DDX42: variants seen among roughly 807,000 people sequenced by gnomAD.
DDX42 encodes the protein ATP-dependent RNA helicase DDX42.
In DDX42, 22 loss-of-function variants were observed where a neutral mutation model predicts 101.5. The observed-to-expected ratio is 0.22, with a 90% CI of 0.15 to 0.31. The LOEUF is 0.31. DDX42 is among the 10% of genes least tolerant of loss of function. The pLI, the probability that DDX42 is intolerant of heterozygous loss-of-function variation, is 1.00. For missense variants in DDX42, 849 were observed against 1,199.9 expected (o/e 0.71, Z 4.32); for synonymous variants, 402 against 401.2 (o/e 1.00, Z -0.02).
intron 6 of DDX42, among the ~76,000 whole-genome samples, chr17:63,803,159 C>T (rs1270781042): frequency 6.6e-6 from 1 of 152,122 alleles, no homozygotes; most frequent in Non-Finnish European, 1.5e-5. Context: ...AATAAAAGCT[C>T]AACTCAAAAT....
Position 63,812,037 on chromosome 17 carries a change from C to A in DDX42, c.1504C>A (p.Leu502Ile). The A allele has an allele frequency of 6.2e-7, 1 of 1,614,168 alleles. No individual in the cohort carries two copies. The change falls in exon 14 of 18, where the codon CTC becomes ATC. Residue 502 changes from leucine (L) to isoleucine (I), a missense_variant. Leu to Ile is a conservative substitution (Grantham distance 5). Coordinates refer to ENST00000389924, the MANE Select transcript of DDX42 (RefSeq NM_203499.3). ...LVEFTSSGSVLLFVTKKANAE... is the reference protein window; with the variant it reads ...LVEFTSSGSVILFVTKKANAE... ...AGAATTTACCTCTTCAGGGAGTGTC[C>A]TCCTCTTTGTTACTAAAAAAGCCAA...
rs1485649920 is a variant in DDX42 at position 63,819,118 on chromosome 17, G to GT, written c.*721dup. On this transcript the variant is annotated 3_prime_UTR_variant, in exon 18 of 18. Transcript: ENST00000389924. ...GAAACCCAACAACAGCTTTTAAAGT[G>GT]TCTTCTATCTCATTGTATTTTTTTT... The GT allele has an allele frequency of 6.6e-6, 1 of 152,470 alleles. No individual in the cohort carries two copies. The highest frequency in any genetic ancestry group is 2.4e-5 in the African/African-American group (1 of 41,418). The allele number at this position is 152,470 out of a possible 1,614,324, so 9.4% of individuals were successfully genotyped here. A position where few individuals can be genotyped will look rare whatever the true frequency, so the allele number is the denominator to read the frequency against.
At chr17:63,793,744 A>G (rs2039656967) in intron 3 of DDX42, among the ~76,000 whole-genome samples, 1 of 151,956 alleles carries the variant, frequency 6.6e-6, no homozygotes, top group Non-Finnish European at 1.5e-5. Context: ...AATTTTTCAC[A>G]TACAGAGGTC....
intron 7 of DDX42, 36 bp downstream of exon 7, chr17:63,805,211 T>C (rs773357324): frequency 6.9e-6 from 11 of 1,596,358 alleles, no homozygotes; most frequent in Non-Finnish European, 8.5e-6. Flanking sequence ...TTAATATTAA[T>C]GTTAATTAGT....
intron 9 of DDX42, 59 bp downstream of exon 9, chr17:63,807,959 T>C (rs890703241): frequency 6.6e-7 from 1 of 1,513,654 alleles, no homozygotes; most frequent in Non-Finnish European, 8.9e-7. Flanking sequence ...GACCAGCCAG[T>C]CAAGTGAGGT....
In DDX42 at chr17:63,818,153, C is replaced by T. The variant is rs533590615; in HGVS notation, c.2572C>T (p.Arg858Trp). 5.0e-6 allele frequency: 8 copies of T among 1,613,908 alleles called. No individual in the cohort carries two copies. Among genetic ancestry groups the T allele is most frequent in the Admixed American group, 3.3e-5 (2 of 59,992 alleles). ...CAGCAGCCGTCATACTGATGGCCAT[C>T]GGCACGGGGAGAACAGACATGGAGG... ...ESSSRHTDGH[R>W]HGENRHGGSA... The change falls in exon 18 of 18, where the codon CGG (arginine) becomes TGG (tryptophan). Residue 858 changes from arginine to tryptophan, a missense_variant. Around this residue, in one of 5 missense-constraint regions of DDX42, gnomAD observed 300 missense variants for 304.9 expected, o/e 0.98. Transcript: ENST00000389924.
At chr17:63,811,245 C>A (rs992904841) in intron 13 of DDX42, 72 bp downstream of exon 13, 4 of 1,140,446 alleles carry the variant, frequency 3.5e-6, no homozygotes, top group Non-Finnish European at 5.0e-6. Context: ...GAATTAATTT[C>A]TCACTATTGA....
intron 13 of DDX42, chr17:63,811,381 A>G: frequency 8.5e-6 from 4 of 468,584 alleles, no homozygotes; most frequent in Non-Finnish European, 1.5e-5. Flanking sequence ...GGTGATGGGT[A>G]TGAGTTGATT....
intron 6 of DDX42, 117 bp from the exon 7 acceptor site, chr17:63,804,954 C>T: frequency 3.0e-6 from 4 of 1,311,638 alleles, no homozygotes; most frequent in African/African-American, 1.5e-5. Context: ...TTTTTGCTTT[C>T]TCTAGCTGGA....
At chr17:63,786,954 G>T in intron 1 of DDX42, 80 bp from the exon 2 acceptor site, 1 of 1,442,814 alleles carries the variant, frequency 6.9e-7, no homozygotes, top group Non-Finnish European at 9.5e-7. Flanking sequence ...GGGATTACAG[G>T]CGTGACCCAC....
At position 63,789,553 on chromosome 17, in the gene DDX42, GTTTTTGTTTTTGTTTTTGTTTTT is replaced by G. The variant is rs1567732968; in HGVS notation, c.221+2289_221+2311del. 3.0e-3 allele frequency among the ~76,000 whole-genome samples: 87 copies of G among 28,634 alleles called. 8 individuals are homozygous for G. Among genetic ancestry groups the G allele is most frequent in the African/African-American group, 7.6e-3 (80 of 10,518 alleles). 18.8% of individuals were successfully genotyped at this position (28,634 alleles called of 152,430 possible). A position where few individuals can be genotyped will look rare whatever the true frequency, so the allele number is the denominator to read the frequency against. On this transcript the variant is annotated intron_variant, in intron 2 of 17. Coordinates refer to ENST00000389924, the MANE Select transcript of DDX42 (RefSeq NM_203499.3). ...AAAAAAGCTTCTAAAAGACTTTTTTGTTTTTGTTTTTGTTTTTGTTTTTTTTTTTTTTTTTTTGAGACAGAGTT... is the reference window on the plus strand; with the variant it reads ...AAAAAAGCTTCTAAAAGACTTTTTTGTTTTTTTTTTTTTTGAGACAGAGTT...
chr17:63,792,944 A>G (rs2039646826), intron 3 of DDX42, among the ~76,000 whole-genome samples: 1 of 152,202 alleles, frequency 6.6e-6, no homozygotes, highest in Non-Finnish European at 1.5e-5. Flanking sequence ...TGTATTCTGT[A>G]GTTTTAAATG....
chr17:63,778,097 T>C (rs1042987581), intron 1 of DDX42, among the ~76,000 whole-genome samples: 14 of 152,232 alleles, frequency 9.2e-5, no homozygotes, highest in African/African-American at 3.4e-4. Context: ...GATAAGCATC[T>C]GAATACTGAC....
intron 2 of DDX42, among the ~76,000 whole-genome samples, chr17:63,790,050 A>G (rs1374004819): frequency 6.6e-6 from 1 of 152,188 alleles, no homozygotes; most frequent in Non-Finnish European, 1.5e-5. Context: ...CAGGAGGCAG[A>G]GGTGGAAAGA....
At chr17:63,814,054 G>A (rs1445527941) in intron 15 of DDX42, among the ~76,000 whole-genome samples, 6 of 152,104 alleles carry the variant, frequency 3.9e-5, no homozygotes, top group African/African-American at 1.4e-4. Context: ...TGGTCGGGCT[G>A]GTCTCGAACT....
intron 1 of DDX42, among the ~76,000 whole-genome samples, chr17:63,785,937 G>C (rs972183456): frequency 6.6e-6 from 1 of 152,082 alleles, no homozygotes; most frequent in Non-Finnish European, 1.5e-5. Flanking sequence ...GGAGAGTCTT[G>C]GCTGATAGCA....
intron 15 of DDX42, among the ~76,000 whole-genome samples, chr17:63,814,916 T>C (rs1463638476): frequency 6.6e-6 from 1 of 152,158 alleles, no homozygotes; most frequent in Non-Finnish European, 1.5e-5. Flanking sequence ...TCTTGACTCC[T>C]GGCCTCAAGT....
At position 63,800,799 on chromosome 17, in the gene DDX42, A is replaced by G. The variant is rs143612220; in HGVS notation, c.621+182A>G. Among the ~76,000 whole-genome samples the G allele has an allele frequency of 2.0e-3, 309 of 152,382 alleles. 3 individuals carry two copies. Among genetic ancestry groups the G allele is most frequent in the African/African-American group, 6.9e-3 (288 of 41,590 alleles). On this transcript the variant is annotated intron_variant, in intron 6 of 17. Coordinates refer to ENST00000389924, the MANE Select transcript of DDX42 (RefSeq NM_203499.3). Reference sequence around the variant, plus strand: ...TTTATAGCCTGTTTTGTTCAAAAGTATAACCAAATCACTTACATTTGACTT... The same window carrying G: ...TTTATAGCCTGTTTTGTTCAAAAGTGTAACCAAATCACTTACATTTGACTT...
chr17:63,799,764 C>A, intron 5 of DDX42, 139 bp downstream of exon 5: 1 of 775,484 alleles, frequency 1.3e-6, no homozygotes. Context: ...TCCTTTTGTA[C>A]CTGTGTGACC....
Sources: gnomAD v4.1 joint callset for allele counts (sites outside exome capture counted in the v4.1 genomes callset) on GRCh38, gnomAD v4.1.1 for gene constraint, gnomAD v4.1.1 regional missense constraint, MANE v1.5 for transcripts, NCBI Gene and HGNC (gene_info 2026-07-23, HGNC 2026-07-21) for gene names.